The following POLN variants were observed in gnomAD, a reference collection of about 807,000 sequenced individuals.
The protein encoded by POLN is DNA polymerase N.
Under a neutral mutation model 113.5 loss-of-function variants are expected in POLN, and 108 were observed. The ratio of observed to expected loss-of-function variants is 0.95; its 90% CI spans 0.81 to 1.12. The LOEUF (loss-of-function observed/expected upper bound fraction) is 1.12. Ranked by LOEUF, POLN falls within the 50% of genes most tolerant of loss-of-function variation. The pLI is 0.00. For missense variants in POLN, 1,097 were observed against 1,077.1 expected (o/e 1.02, Z -0.26); for synonymous variants, 386 against 391.5 (o/e 0.99, Z 0.17).
At chr4:2,080,033 G>T in intron 23 of POLN, 2 of 985,558 alleles carry the variant, frequency 2.0e-6, no homozygotes, top group Non-Finnish European at 2.4e-6. Flanking sequence ...CCAAGAGCTT[G>T]AGGGCTCTTA....
chr4:2,156,334 G>A, intron 16 of POLN: 1 of 416,722 alleles, frequency 2.4e-6, no homozygotes, highest in South Asian at 1.7e-5. Context: ...AGTGCTTTAA[G>A]TGTGATGCAA....
rs529706639 is a variant in POLN at position 2,201,181 on chromosome 4, C to T, written c.715-2464G>A. Reference sequence around the variant, plus strand: ...ACTCAAGAGGCTGAGGCAGGAGAATCGCCTGAACCCGGGAGGTGGAGGTTA... The same window carrying T: ...ACTCAAGAGGCTGAGGCAGGAGAATTGCCTGAACCCGGGAGGTGGAGGTTA... On this transcript the variant is annotated intron_variant, in intron 5 of 25. Transcript: ENST00000511885. Among the ~76,000 whole-genome samples the T allele has an allele frequency of 1.0e-3, 144 of 144,426 alleles. 2 individuals carry two copies. The highest frequency in any genetic ancestry group is 3.6e-4 in the Admixed American group (5 of 13,860). 94.7% of individuals were successfully genotyped at this position (144,426 alleles called of 152,430 possible).
intron 20 of POLN, chr4:2,089,218 T>C (rs1291681516): frequency 9.1e-6 from 14 of 1,533,350 alleles, no homozygotes; most frequent in Admixed American, 3.9e-5. Flanking sequence ...CTGAGAGTTG[T>C]ATACATCAAT....
intron 14 of POLN, among the ~76,000 whole-genome samples, chr4:2,158,791 G>A (rs1377362165): frequency 2.6e-5 from 4 of 152,182 alleles, no homozygotes; most frequent in African/African-American, 9.7e-5. Context: ...ACACTACTAC[G>A]GTATGGTCTT....
At chr4:2,073,665 C>A (rs994343502) in intron 24 of POLN, among the ~76,000 whole-genome samples, 1 of 152,238 alleles carries the variant, frequency 6.6e-6, no homozygotes, top group East Asian at 1.9e-4. Flanking sequence ...TTTCTCAGGG[C>A]TTGCTCTGAA....
chr4:2,114,879 T>A (rs1731278689), intron 19 of POLN, among the ~76,000 whole-genome samples: 1 of 151,840 alleles, frequency 6.6e-6, no homozygotes, highest in African/African-American at 2.4e-5. Context: ...CATAAGTTAG[T>A]CCATCTGATA....
At chr4:2,089,314 C>T in intron 20 of POLN, 1 of 1,388,914 alleles carries the variant, frequency 7.2e-7, no homozygotes, top group Non-Finnish European at 1.0e-6. Context: ...CAACATAGAT[C>T]CTGTTAATTC....
At chr4:2,193,110 T>G in intron 7 of POLN, 94 bp downstream of exon 7, 2 of 919,792 alleles carry the variant, frequency 2.2e-6, no homozygotes, top group Non-Finnish European at 3.3e-6. Flanking sequence ...CCTCCAGGAG[T>G]TGTGTGACAT....
At chr4:2,229,023 A>G in intron 3 of POLN, 76 bp downstream of exon 3, 1 of 1,429,092 alleles carries the variant, frequency 7.0e-7, no homozygotes, top group Non-Finnish European at 9.6e-7. Flanking sequence ...CATGCATTCC[A>G]TTTTCAATTC....
At chr4:2,203,720 G>A (rs1733773923) in intron 5 of POLN, among the ~76,000 whole-genome samples, 1 of 151,858 alleles carries the variant, frequency 6.6e-6, no homozygotes, top group Non-Finnish European at 1.5e-5. Flanking sequence ...AGAGAAACAA[G>A]AACAAACCAA....
intron 5 of POLN, 82 bp downstream of exon 5, chr4:2,207,905 C>G: frequency 6.9e-7 from 1 of 1,457,318 alleles, no homozygotes; most frequent in Non-Finnish European, 9.2e-7. Context: ...GTTTCTAGCT[C>G]TCCTATCAAA....
chr4:2,165,248 A>G (rs1476064956), intron 13 of POLN, among the ~76,000 whole-genome samples: 1 of 152,232 alleles, frequency 6.6e-6, no homozygotes, highest in Non-Finnish European at 1.5e-5. Flanking sequence ...TCACTGCTGA[A>G]AAGAAATGAA....
intron 19 of POLN, among the ~76,000 whole-genome samples, chr4:2,115,960 G>A (rs1401374507): frequency 6.6e-6 from 1 of 152,208 alleles, no homozygotes; most frequent in Non-Finnish European, 1.5e-5. Context: ...ATGTGTTTCA[G>A]ACCAGCTGCC....
chr4:2,072,859 A>T, intron 25 of POLN, 109 bp downstream of exon 25: 1 of 1,190,416 alleles, frequency 8.4e-7, no homozygotes, highest in Non-Finnish European at 1.2e-6. Context: ...TGGAGTGGCC[A>T]TCTCGGGGCT....
In POLN at chr4:2,145,208, A is replaced by G. The variant is rs575333204; in HGVS notation, c.1731+11580T>C. 6.6e-5 allele frequency among the ~76,000 whole-genome samples: 10 copies of G among 151,166 alleles called. No individual in the cohort carries two copies. In the South Asian group the frequency reaches 1.1e-3, roughly 16 times the overall value. ...GCTATCATAGAACACATTATAGGCG[A>G]AAAAAAAAGAGAATTTGAGGATCTT... On this transcript the variant is annotated intron_variant, in intron 16 of 25. Coordinates refer to ENST00000511885, the MANE Select transcript of POLN (RefSeq NM_181808.4).
At chr4:2,193,536 G>A (rs1317455305) in intron 6 of POLN, among the ~76,000 whole-genome samples, 1 of 152,132 alleles carries the variant, frequency 6.6e-6, no homozygotes. Flanking sequence ...TCACGCAGCT[G>A]TCAAGTGCTT....
At chr4:2,173,339 C>T (rs940099330) in intron 11 of POLN, among the ~76,000 whole-genome samples, 2 of 152,132 alleles carry the variant, frequency 1.3e-5, no homozygotes, top group African/African-American at 4.8e-5. Context: ...AAATGTATTA[C>T]GTGTATATAA....
chr4:2,197,192 C>A (rs1733598368), intron 6 of POLN, among the ~76,000 whole-genome samples: 1 of 152,178 alleles, frequency 6.6e-6, no homozygotes, highest in African/African-American at 2.4e-5. Flanking sequence ...CTGATTTATG[C>A]TTTAACAGGC....
chr4:2,139,069 T>G (rs1395667206), intron 16 of POLN, among the ~76,000 whole-genome samples: 1 of 151,538 alleles, frequency 6.6e-6, no homozygotes, highest in Non-Finnish European at 1.5e-5. Flanking sequence ...GGAGCAAGGA[T>G]GAGCACCCTT....
Sources: allele counts gnomAD v4.1 joint callset (sites outside exome capture counted in the v4.1 genomes callset), GRCh38; gene constraint gnomAD v4.1.1; transcripts MANE v1.5; gene names NCBI Gene and HGNC (gene_info 2026-07-23, HGNC 2026-07-21).